ATP9A: variants seen among roughly 807,000 people sequenced by gnomAD.
ATP9A encodes the protein probable phospholipid-transporting ATPase IIA.
A neutral mutation model predicts 144.1 loss-of-function variants in ATP9A; 52 were observed. That is an observed-to-expected ratio of 0.36 (90% CI 0.29 to 0.45). The LOEUF (loss-of-function observed/expected upper bound fraction) is 0.45, where lower values mean the gene tolerates loss of function less well. Among genes scored for constraint, ATP9A ranks in the 20% least tolerant of loss-of-function variants. ATP9A has a pLI of 1.00. For missense variants in ATP9A, 947 were observed against 1,392.7 expected, an observed-to-expected ratio of 0.68 and a Z score of 5.09; for synonymous variants, 582 against 557.4, an observed-to-expected ratio of 1.04 and a Z score of -0.62.
chr20:51,676,049 T>G (rs912700081), intron 10 of ATP9A, 83 bp downstream of exon 10: 3 of 1,001,958 alleles, frequency 3.0e-6, no homozygotes, highest in Admixed American at 4.0e-5. Flanking sequence ...CTCTTAGGTG[T>G]TCCTATTTTA....
chr20:51,678,273 G>A (rs1419292645), intron 9 of ATP9A, among the ~76,000 whole-genome samples: 1 of 152,012 alleles, frequency 6.6e-6, no homozygotes, highest in Non-Finnish European at 1.5e-5. Flanking sequence ...TTTGGTCTCT[G>A]CCAGAAAGAG....
At chr20:51,628,662 T>C (rs1467412) in intron 16 of ATP9A, among the ~76,000 whole-genome samples, 67,861 of 152,140 alleles carry the variant, frequency 0.45, 15,877 homozygotes, top group East Asian at 0.68. Context: ...TAGCTGAATG[T>C]AGCCCACAAC....
intron 22 of ATP9A, 68 bp downstream of exon 22, chr20:51,617,422 G>C (rs1298373002): frequency 4.7e-6 from 7 of 1,481,588 alleles, no homozygotes; most frequent in Admixed American, 1.9e-5. Context: ...GCTTAAAGCT[G>C]TGTCTTTGAG....
intron 19 of ATP9A, 83 bp from the exon 20 acceptor site, chr20:51,619,126 T>G: frequency 7.9e-7 from 1 of 1,259,888 alleles, no homozygotes; most frequent in South Asian, 1.3e-5. Context: ...GGAGCCCACA[T>G]GAAGACAACG....
At chr20:51,686,365 TA>T (rs59119648) in intron 9 of ATP9A, among the ~76,000 whole-genome samples, 10 of 145,674 alleles carry the variant, frequency 6.9e-5, no homozygotes, top group South Asian at 2.2e-4. Flanking sequence ...AAAGTATAAT[TA>T]AAAAAAAAAA....
rs1840381845 is a variant in ATP9A, at chr20:51,600,261, C to A, written c.*950G>T. On this transcript the variant is annotated 3_prime_UTR_variant, in exon 28 of 28. Coordinates refer to ENST00000338821, the MANE Select transcript of ATP9A (RefSeq NM_006045.3). ...GAAGAGAAGAGTCCCAGCCCCCTGA[C>A]CTTTCCGCTTTGGTCTTGGAGGATC... is the stretch of plus-strand genomic sequence containing the variant. The A allele has an allele frequency of 6.6e-6, 1 of 152,266 alleles. No homozygotes were observed. The highest frequency in any genetic ancestry group is 1.5e-5 in the Non-Finnish European group (1 of 68,072). 9.4% of individuals were successfully genotyped at this position (152,266 alleles called of 1,614,324 possible). A position where few individuals can be genotyped will look rare whatever the true frequency, so the allele number is the denominator to read the frequency against.
intron 27 of ATP9A, among the ~76,000 whole-genome samples, chr20:51,604,537 A>C (rs6013227): frequency 0.42 from 63,326 of 152,092 alleles, 13,834 homozygotes; most frequent in South Asian, 0.58. Context: ...TTTGTGGCCC[A>C]AAAAAGGTGA....
At chr20:51,721,452 T>C (rs1601126358) in intron 3 of ATP9A, among the ~76,000 whole-genome samples, 1 of 152,116 alleles carries the variant, frequency 6.6e-6, no homozygotes, top group African/African-American at 2.4e-5. Context: ...AGATCCTGTC[T>C]CTACACAAAG....
intron 4 of ATP9A, among the ~76,000 whole-genome samples, chr20:51,707,597 C>T (rs1202512234): frequency 2.0e-5 from 3 of 152,188 alleles, no homozygotes; most frequent in African/African-American, 7.2e-5. Flanking sequence ...AGCAGGACTC[C>T]TGAACCCTGG....
At chr20:51,650,154 G>C (rs946821325) in intron 14 of ATP9A, among the ~76,000 whole-genome samples, 2 of 152,194 alleles carry the variant, frequency 1.3e-5, no homozygotes, top group Non-Finnish European at 2.9e-5. Context: ...GATATTCCAT[G>C]TCCTGGCACA....
intron 13 of ATP9A, among the ~76,000 whole-genome samples, chr20:51,669,793 C>A (rs535494645): frequency 6.6e-6 from 1 of 152,070 alleles, no homozygotes; most frequent in East Asian, 1.9e-4. Context: ...GGAGTGACTG[C>A]TGATGGGTAG....
intron 3 of ATP9A, among the ~76,000 whole-genome samples, chr20:51,718,769 C>T (rs1008385933): frequency 2.2e-5 from 3 of 137,702 alleles, no homozygotes; most frequent in Non-Finnish European, 3.0e-5. Flanking sequence ...GAGCCGAGAT[C>T]GCACCACTGC....
intron 17 of ATP9A, among the ~76,000 whole-genome samples, chr20:51,626,554 T>C (rs2077249482): frequency 1.3e-5 from 2 of 149,680 alleles, no homozygotes; most frequent in South Asian, 4.2e-4. Context: ...CTCACACTTG[T>C]AATCCCAGCT....
chr20:51,617,066 C>T (rs2077206163), intron 22 of ATP9A, among the ~76,000 whole-genome samples: 1 of 151,758 alleles, frequency 6.6e-6, no homozygotes, highest in South Asian at 2.1e-4. Flanking sequence ...CTCAGCCTCC[C>T]AAGTAGCTGT....
At chr20:51,745,676 A>G (rs1395406045) in intron 1 of ATP9A, among the ~76,000 whole-genome samples, 1 of 152,132 alleles carries the variant, frequency 6.6e-6, no homozygotes, top group Non-Finnish European at 1.5e-5. Flanking sequence ...CCAAATGTCA[A>G]TAGTCCTGCG....
At chr20:51,606,822 G>A (rs992023374) in intron 26 of ATP9A, among the ~76,000 whole-genome samples, 2 of 151,966 alleles carry the variant, frequency 1.3e-5, no homozygotes, top group East Asian at 1.9e-4. Flanking sequence ...AGGCTACGGC[G>A]AGCCGTGATT....
intron 6 of ATP9A, among the ~76,000 whole-genome samples, chr20:51,694,471 C>T (rs977466182): frequency 1.2e-4 from 18 of 152,316 alleles, no homozygotes; most frequent in African/African-American, 3.1e-4. Flanking sequence ...GGCCAGGCAT[C>T]GCCAGCACCT....
chr20:51,721,156 T>C (rs374004636), intron 3 of ATP9A, among the ~76,000 whole-genome samples: 3 of 152,244 alleles, frequency 2.0e-5, no homozygotes, highest in South Asian at 4.1e-4. Flanking sequence ...GTACGGCGTA[T>C]GCACGCCCAC....
intron 2 of ATP9A, among the ~76,000 whole-genome samples, chr20:51,726,708 A>G (rs1212656619): frequency 6.6e-6 from 1 of 151,658 alleles, no homozygotes; most frequent in Non-Finnish European, 1.5e-5. Context: ...CCTCCCAAGT[A>G]GCTGAAACCA....
Sources: allele counts gnomAD v4.1 joint callset (sites outside exome capture counted in the v4.1 genomes callset), GRCh38; gene constraint gnomAD v4.1.1; transcripts MANE v1.5; gene names NCBI Gene and HGNC (gene_info 2026-07-23, HGNC 2026-07-21).